PUM2: variants seen among roughly 807,000 people sequenced by gnomAD.
PUM2 encodes the protein pumilio homolog 2.
PUM2 carries 57 observed loss-of-function variants against 124.5 expected under a neutral mutation model. The ratio of observed to expected loss-of-function variants is 0.46; its 90% CI spans 0.37 to 0.57. PUM2 has a LOEUF of 0.57. Ranked by LOEUF, PUM2 falls within the 20% of genes least tolerant of loss-of-function variation. The pLI, the probability that PUM2 is intolerant of heterozygous loss-of-function variation, is 0.00. For synonymous variants in PUM2, 460 were observed against 446.1 expected, an observed-to-expected ratio of 1.03 and a Z score of -0.39; for missense variants, 1,065 against 1,290.6, an observed-to-expected ratio of 0.83 and a Z score of 2.68.
chr2:20,293,426 T>A (rs369106880), intron 9 of PUM2, among the ~76,000 whole-genome samples: 2 of 152,308 alleles, frequency 1.3e-5, no homozygotes, highest in South Asian at 2.1e-4. Context: ...CAAAATATAT[T>A]ACCCGAGAGC....
At chr2:20,260,575 A>G in intron 14 of PUM2, 109 bp from the exon 15 acceptor site, 6 of 979,946 alleles carry the variant, frequency 6.1e-6, no homozygotes, top group Non-Finnish European at 7.2e-6. Context: ...AAATATTACC[A>G]TACTTTATAT....
chr2:20,313,750 T>G (rs971585358), intron 3 of PUM2, among the ~76,000 whole-genome samples: 1 of 147,298 alleles, frequency 6.8e-6, no homozygotes, highest in African/African-American at 2.5e-5. Context: ...GGGGGAAGAT[T>G]ACTTGAACTC....
chr2:20,351,559 C>G (rs1390766086), upstream of PUM2, among the ~76,000 whole-genome samples: 1 of 152,210 alleles, frequency 6.6e-6, no homozygotes, highest in East Asian at 1.9e-4. Context: ...GCGTACTAAG[C>G]GCTCTCTCCT....
At chr2:20,312,500 G>A in intron 3 of PUM2, 77 bp from the exon 4 acceptor site, 1 of 1,311,910 alleles carries the variant, frequency 7.6e-7, no homozygotes, top group Admixed American at 2.5e-5. Flanking sequence ...ATATACTGAA[G>A]TAAGAAAAAT....
At chr2:20,256,277 A>T in intron 16 of PUM2, 107 bp from the exon 17 acceptor site, 1 of 1,048,792 alleles carries the variant, frequency 9.5e-7, no homozygotes, top group South Asian at 2.0e-5. Context: ...CAGTATATTT[A>T]TCTCAGTATT....
intron 3 of PUM2, among the ~76,000 whole-genome samples, chr2:20,312,750 C>T (rs889419781): frequency 1.3e-5 from 2 of 151,976 alleles, no homozygotes; most frequent in African/African-American, 4.8e-5. Context: ...AAAAAGAGTC[C>T]GCATAGCCAA....
intron 5 of PUM2, among the ~76,000 whole-genome samples, chr2:20,311,024 A>G (rs931923147): frequency 5.3e-5 from 8 of 152,094 alleles, no homozygotes; most frequent in African/African-American, 2.4e-5. Flanking sequence ...ACAAACTCAT[A>G]TATTTTAAGA....
In PUM2 at chr2:20,300,377, G is replaced by A. The variant is rs368042362; in HGVS notation, c.884-2699C>T. ...TTGGTCAGGCTGGTTGTGAACTCCCGACCTCAGGTGATCCGCCCGCCTTGG... is the reference window on the plus strand; with the variant it reads ...TTGGTCAGGCTGGTTGTGAACTCCCAACCTCAGGTGATCCGCCCGCCTTGG... On this transcript the variant is annotated intron_variant, in intron 7 of 20. Transcript: ENST00000361078. Among the ~76,000 whole-genome samples the A allele has an allele frequency of 1.2e-3, 180 of 152,250 alleles. 3 individuals carry two copies. In the South Asian group the frequency reaches 0.02, roughly 17 times the overall value.
At chr2:20,316,269 TCCTAA>T (rs1327236258) in intron 3 of PUM2, among the ~76,000 whole-genome samples, 4 of 152,196 alleles carry the variant, frequency 2.6e-5, no homozygotes, top group African/African-American at 9.6e-5. Flanking sequence ...TTTCCAGACT[TCCTAA>T]CCTTTTAGAT....
At chr2:20,302,673 T>C (rs753419180) in intron 7 of PUM2, among the ~76,000 whole-genome samples, 5 of 152,212 alleles carry the variant, frequency 3.3e-5, no homozygotes, top group African/African-American at 7.2e-5. Context: ...TTAATTGTCA[T>C]AGTAATTGTT....
intron 14 of PUM2, 78 bp from the exon 15 acceptor site, chr2:20,260,544 T>C: frequency 8.0e-7 from 1 of 1,252,104 alleles, no homozygotes; most frequent in Non-Finnish European, 1.1e-6. Flanking sequence ...TCCACATATA[T>C]GCACTGCAAG....
chr2:20,279,540 C>A (rs994060733), intron 12 of PUM2, among the ~76,000 whole-genome samples: 11 of 152,202 alleles, frequency 7.2e-5, no homozygotes, highest in African/African-American at 2.7e-4. Flanking sequence ...GTACTACTGC[C>A]TCCTGAGCCC....
At chr2:20,343,945 G>GA (rs887446187) in intron 1 of PUM2, among the ~76,000 whole-genome samples, 2 of 149,398 alleles carry the variant, frequency 1.3e-5, no homozygotes, top group African/African-American at 4.9e-5. Flanking sequence ...CAGTATCAGA[G>GA]AAAAAAAAAG....
At chr2:20,269,617 T>C (rs1046235819) in intron 13 of PUM2, among the ~76,000 whole-genome samples, 3 of 152,196 alleles carry the variant, frequency 2.0e-5, no homozygotes, top group African/African-American at 4.8e-5. Flanking sequence ...ATCATTTTAA[T>C]AGGCTGTTAT....
intron 13 of PUM2, 101 bp from the exon 14 acceptor site, chr2:20,263,561 C>T: frequency 1.5e-6 from 2 of 1,335,900 alleles, no homozygotes; most frequent in Non-Finnish European, 2.0e-6. Flanking sequence ...AAATATTTCC[C>T]CCCACTAATT....
intron 5 of PUM2, among the ~76,000 whole-genome samples, chr2:20,310,058 C>T (rs373678549): frequency 7.9e-5 from 12 of 151,732 alleles, no homozygotes; most frequent in Middle Eastern, 3.2e-3. Flanking sequence ...AATAAGTGTC[C>T]AATAGTTCTT....
chr2:20,282,273 TG>T (rs1671714022), intron 12 of PUM2, among the ~76,000 whole-genome samples: 1 of 152,284 alleles, frequency 6.6e-6, no homozygotes, highest in Admixed American at 6.5e-5. Flanking sequence ...CCAGTTTGAG[TG>T]GGTCAATTAT....
rs751558804 is a variant in PUM2, at chr2:20,311,600, A to C, written c.412T>G (p.Phe138Val). 6.2e-7 allele frequency: 1 copy of C among 1,613,552 alleles called. No individual in the cohort carries two copies. ...KGDQKGKASP[F>V]EEDQNRDLKQ... ...AGATCTCTGTTTTGGTCCTCCTCAA[A>C]TGGAGAAGCCTTGCCTTTTTGATCT... is the stretch of plus-strand genomic sequence containing the variant. The change falls in exon 5 of 21, where the codon TTT becomes GTT. Residue 138 changes from phenylalanine to valine, a missense_variant. By Grantham distance (50) the Phe-to-Val change is conservative. This residue lies in a region of PUM2 where 968 missense variants were observed against 1,159.8 expected (regional missense o/e 0.83). Transcript: ENST00000361078.
chr2:20,346,577 A>G (rs1688282212), intron 1 of PUM2, among the ~76,000 whole-genome samples: 1 of 152,220 alleles, frequency 6.6e-6, no homozygotes, highest in Non-Finnish European at 1.5e-5. Context: ...GCCTAAAGTC[A>G]GGGATCACCA....
Sources: allele counts gnomAD v4.1 joint callset (sites outside exome capture counted in the v4.1 genomes callset), GRCh38; gene constraint gnomAD v4.1.1; regional missense constraint gnomAD v4.1.1; transcripts MANE v1.5; gene names NCBI Gene and HGNC (gene_info 2026-07-23, HGNC 2026-07-21).